Variants in SETD5 observed in about 807,000 individuals in gnomAD.
The protein encoded by SETD5 is histone-lysine N-methyltransferase SETD5.
Under a neutral mutation model 153.3 loss-of-function variants are expected in SETD5, and 44 were observed. That is an observed-to-expected ratio of 0.29 (90% CI 0.23 to 0.37). The LOEUF is 0.37. SETD5 is among the 10% of genes least tolerant of loss of function. The pLI, the probability that SETD5 is intolerant of heterozygous loss-of-function variation, is 1.00. For missense variants in SETD5, 1,544 were observed against 1,768.0 expected (o/e 0.87, Z 2.27); for synonymous variants, 716 against 645.2 (o/e 1.11, Z -1.66).
chr3:9,454,040 C>A, intron 17 of SETD5, 172 bp downstream of exon 17: 2 of 662,888 alleles, frequency 3.0e-6, no homozygotes, highest in South Asian at 3.5e-5. Flanking sequence ...GATCAGTTTT[C>A]CCAGGACGAC....
chr3:9,466,797 G>A (rs2044634480), intron 18 of SETD5, among the ~76,000 whole-genome samples: 1 of 152,168 alleles, frequency 6.6e-6, no homozygotes, highest in African/African-American at 2.4e-5. Flanking sequence ...GGCTGAGGCA[G>A]GAGGATTGCT....
intron 1 of SETD5, among the ~76,000 whole-genome samples, chr3:9,417,508 CG>C (rs1291222500): frequency 1.3e-5 from 2 of 150,286 alleles, no homozygotes; most frequent in Admixed American, 1.3e-4. Flanking sequence ...CCCCCCGAGA[CG>C]GAGTCTCGCT....
intron 3 of SETD5, chr3:9,430,675 A>C (rs1307788005): frequency 6.6e-6 from 2 of 302,734 alleles, no homozygotes; most frequent in African/African-American, 4.5e-5. Flanking sequence ...AAATTTCAAC[A>C]AAGAGGTTAA....
chr3:9,419,959 C>T (rs906502070), intron 1 of SETD5, among the ~76,000 whole-genome samples: 1 of 152,128 alleles, frequency 6.6e-6, no homozygotes, highest in African/African-American at 2.4e-5. Context: ...ACATTGGTCT[C>T]TAACACATGT....
chr3:9,476,003 A>G lies in SETD5; in HGVS notation c.4241A>G (p.Tyr1414Cys), dbSNP rs1559500980. 9 of 1,613,916 alleles carry G rather than the reference A, an allele frequency of 5.6e-6. No homozygotes were observed. In the East Asian group the frequency reaches 1.3e-4, roughly 24 times the overall value. The change falls in exon 23 of 23, where the codon TAC becomes TGC. Residue 1414 changes from tyrosine to cysteine, a missense_variant. This residue lies in a region of SETD5 where 302 missense variants were observed against 277.6 expected (regional missense o/e 1.09). Transcript: ENST00000402198. ...TCTGCGGTTTCCAATTCACAGCACTACCCACACCGTGGGAGTGGGGGTGTG... is the reference window on the plus strand; with the variant it reads ...TCTGCGGTTTCCAATTCACAGCACTGCCCACACCGTGGGAGTGGGGGTGTG... ...RVSAVSNSQH[Y>C]PHRGSGGVHQ...
chr3:9,458,275 C>T (rs924515601), intron 17 of SETD5, among the ~76,000 whole-genome samples: 1 of 152,064 alleles, frequency 6.6e-6, no homozygotes, highest in Admixed American at 6.6e-5. Context: ...CTACTAGGTC[C>T]TTTGCCAAAG....
chr3:9,439,689 A>G (rs925916964), intron 7 of SETD5, among the ~76,000 whole-genome samples: 1 of 152,154 alleles, frequency 6.6e-6, no homozygotes, highest in African/African-American at 2.4e-5. Flanking sequence ...ATCTTTTCTC[A>G]ATACTGTCAC....
intron 15 of SETD5, 83 bp from the exon 16 acceptor site, chr3:9,448,305 C>A: frequency 6.5e-7 from 1 of 1,527,166 alleles, no homozygotes. Context: ...CTCCTCCTGT[C>A]CTAGTTTCTA....
chr3:9,454,812 G>C (rs1559453810), intron 17 of SETD5, among the ~76,000 whole-genome samples: 1 of 151,980 alleles, frequency 6.6e-6, no homozygotes, highest in Non-Finnish European at 1.5e-5. Flanking sequence ...CTTTTTACCA[G>C]TTTCTCCTGC....
At chr3:9,426,211 CCCTTTTTTTTTTTTTT>C in intron 2 of SETD5, 3 of 1,924 alleles carry the variant, frequency 1.6e-3, no homozygotes, top group Admixed American at 4.6e-3. Flanking sequence ...GTTCATCAGT[CCCTTTTTTTTTTTTTT>C]TTTTTTTTTT....
At chr3:9,473,670 C>T (rs1053545932) in intron 20 of SETD5, 133 bp downstream of exon 20, 2 of 895,650 alleles carry the variant, frequency 2.2e-6, no homozygotes, top group Non-Finnish European at 3.4e-6. Flanking sequence ...CCAACAGTAC[C>T]ATCTGTCCTG....
At chr3:9,462,605 A>G (rs994569245) in intron 17 of SETD5, among the ~76,000 whole-genome samples, 3 of 151,176 alleles carry the variant, frequency 2.0e-5, no homozygotes, top group Non-Finnish European at 4.4e-5. Context: ...AAAAAAAGAA[A>G]AAAAGAATAT....
chr3:9,408,837 T>A (rs2036122358), intron 1 of SETD5, among the ~76,000 whole-genome samples: 1 of 152,200 alleles, frequency 6.6e-6, no homozygotes, highest in African/African-American at 2.4e-5. Context: ...TTTACCATAT[T>A]AGAAACTAAA....
intron 3 of SETD5, chr3:9,433,340 T>C: frequency 7.8e-7 from 1 of 1,277,824 alleles, no homozygotes; most frequent in Non-Finnish European, 1.0e-6. Flanking sequence ...AAATATAAGA[T>C]GCCATTGTTT....
At chr3:9,400,313 T>G (rs760532310) in intron 1 of SETD5, among the ~76,000 whole-genome samples, 1 of 152,216 alleles carries the variant, frequency 6.6e-6, no homozygotes, top group Non-Finnish European at 1.5e-5. Context: ...CCATTAGAGT[T>G]TTAATTTTTC....
intron 1 of SETD5, among the ~76,000 whole-genome samples, chr3:9,420,952 G>A (rs2038294798): frequency 6.6e-6 from 1 of 151,932 alleles, no homozygotes; most frequent in African/African-American, 2.4e-5. Context: ...GTTATTAGCA[G>A]CAGCTCCTCT....
At chr3:9,459,804 A>ATT (rs1190055347) in intron 17 of SETD5, among the ~76,000 whole-genome samples, 2 of 152,104 alleles carry the variant, frequency 1.3e-5, no homozygotes, top group African/African-American at 4.8e-5. Flanking sequence ...ATATTTGAAA[A>ATT]TTTAATAATC....
At position 9,408,119 on chromosome 3, in the gene SETD5, A is replaced by G. The variant is rs575312450; in HGVS notation, c.-177+10142A>G. On this transcript the variant is annotated intron_variant, in intron 1 of 22. Coordinates refer to ENST00000402198, the MANE Select transcript of SETD5 (RefSeq NM_001080517.3). ...AATAGCACCCGTTTCACTCTCAAAA[A>G]TGTCTCAATTTGGATCATAAATTAT... Among the ~76,000 whole-genome samples, 28 of 152,338 alleles carry G rather than the reference A, an allele frequency of 1.8e-4. No homozygotes were observed. In the South Asian group the frequency reaches 5.2e-3, roughly 28 times the overall value.
At chr3:9,460,059 C>CA (rs1411975256) in intron 17 of SETD5, among the ~76,000 whole-genome samples, 8 of 150,908 alleles carry the variant, frequency 5.3e-5, no homozygotes, top group African/African-American at 7.3e-5. Context: ...CTCCCCCCCA[C>CA]AAAAAAAATC....
Sources: allele counts gnomAD v4.1 joint callset (sites outside exome capture counted in the v4.1 genomes callset), GRCh38; gene constraint gnomAD v4.1.1; regional missense constraint gnomAD v4.1.1; transcripts MANE v1.5; gene names NCBI Gene and HGNC (gene_info 2026-07-23, HGNC 2026-07-21).